Variants in ZC3H12B observed in about 807,000 individuals in gnomAD.
The protein encoded by ZC3H12B is zinc finger CCCH-type containing 12B, also known as probable ribonuclease ZC3H12B.
Under a neutral mutation model 43.9 loss-of-function variants are expected in ZC3H12B, and 7 were observed. The observed-to-expected ratio is 0.16, with a 90% CI of 0.09 to 0.30. ZC3H12B has a LOEUF of 0.30. Among genes scored for constraint, ZC3H12B ranks in the 10% least tolerant of loss-of-function variants. The probability of loss-of-function intolerance (pLI) is 1.00; values close to 1 mark genes in which losing one functional copy is unlikely to be tolerated. For missense variants in ZC3H12B, 475 were observed against 670.2 expected (o/e 0.71, Z 3.22); for synonymous variants, 222 against 241.7 (o/e 0.92, Z 0.76).
the ZC3H12B span, among the ~76,000 whole-genome samples, chrX:65,136,607 G>A: frequency 9.0e-6 from 1 of 111,225 alleles, no homozygotes; most frequent in Non-Finnish European, 1.9e-5. Context: ...GCTAGAGAGA[G>A]CAGGCTTTTG....
At chrX:65,211,726 A>G in the ZC3H12B span, among the ~76,000 whole-genome samples, 10 of 86,666 alleles carry the variant, frequency 1.2e-4, no homozygotes, top group Non-Finnish European at 2.1e-4. Flanking sequence ...ATATATTTTT[A>G]TGTAATAATA....
At chrX:65,276,480 A>G in the ZC3H12B span, among the ~76,000 whole-genome samples, 2 of 111,703 alleles carry the variant, frequency 1.8e-5, no homozygotes, top group Non-Finnish European at 3.8e-5. Context: ...GGGAATCTCC[A>G]TTAGACTAAC....
the ZC3H12B span, among the ~76,000 whole-genome samples, chrX:65,086,940 C>T: frequency 9.1e-6 from 1 of 110,492 alleles, no homozygotes; most frequent in Admixed American, 9.7e-5. Context: ...AACATGGATA[C>T]CCACCTTACT....
the ZC3H12B span, among the ~76,000 whole-genome samples, chrX:65,311,204 C>G: frequency 8.9e-6 from 1 of 111,879 alleles, no homozygotes; most frequent in African/African-American, 3.3e-5. Flanking sequence ...TTAGAGTGAA[C>G]AGGCAACCTA....
At chrX:65,089,512 C>A in the ZC3H12B span, among the ~76,000 whole-genome samples, 1 of 111,628 alleles carries the variant, frequency 9.0e-6, no homozygotes, top group African/African-American at 3.2e-5. Context: ...AATGTGAAGG[C>A]CTGCTACATT....
chrX:65,294,889 AAC>A, the ZC3H12B span, among the ~76,000 whole-genome samples: 1 of 111,194 alleles, frequency 9.0e-6, no homozygotes, highest in African/African-American at 3.3e-5. Context: ...GATAGACAGC[AAC>A]ACAGTGATAA....
the ZC3H12B span, among the ~76,000 whole-genome samples, chrX:65,238,580 A>G: frequency 1.8e-5 from 2 of 110,763 alleles, no homozygotes; most frequent in Admixed American, 1.9e-4. Context: ...TTGTGTCTCT[A>G]TCTCCTTCAA....
chrX:65,235,217 G>T, the ZC3H12B span, among the ~76,000 whole-genome samples: 1 of 111,014 alleles, frequency 9.0e-6, no homozygotes. Flanking sequence ...CCCAGTAATG[G>T]GATTGCTGGG....
the ZC3H12B span, among the ~76,000 whole-genome samples, chrX:65,151,516 G>A: frequency 1.1e-4 from 12 of 111,800 alleles, no homozygotes; most frequent in Non-Finnish European, 2.3e-4. Flanking sequence ...AGCTTTCCCT[G>A]TAAATTTTGA....
the ZC3H12B span, among the ~76,000 whole-genome samples, chrX:65,059,161 C>T: frequency 0.062 from 6,662 of 108,200 alleles, 605 homozygotes; most frequent in African/African-American, 0.21. Flanking sequence ...CTGTCTTCTG[C>T]GTCGCTCACG....
the ZC3H12B span, chrX:65,270,913 C>G: frequency 1.3e-4 from 15 of 111,478 alleles, no homozygotes; most frequent in Admixed American, 1.4e-3. Context: ...CCCACCAGGA[C>G]TGCTGGAGGC....
the ZC3H12B span, among the ~76,000 whole-genome samples, chrX:65,277,459 T>C: frequency 1.1e-4 from 12 of 111,883 alleles, no homozygotes; most frequent in Non-Finnish European, 2.1e-4. Flanking sequence ...ATTGGCCATA[T>C]GTTAGGACAG....
the ZC3H12B span, among the ~76,000 whole-genome samples, chrX:65,205,070 G>A: frequency 8.9e-6 from 1 of 112,231 alleles, no homozygotes; most frequent in Non-Finnish European, 1.9e-5. Flanking sequence ...GTAAATATAT[G>A]TATTGTAGGA....
chrX:65,162,475 C>CT, the ZC3H12B span, among the ~76,000 whole-genome samples: 1 of 111,397 alleles, frequency 9.0e-6, no homozygotes, highest in Admixed American at 9.6e-5. Context: ...GCTTTTTATT[C>CT]TTTTTTCTCT....
the ZC3H12B span, among the ~76,000 whole-genome samples, chrX:65,332,208 T>A: frequency 9.0e-6 from 1 of 110,613 alleles, no homozygotes; most frequent in Non-Finnish European, 1.9e-5. Flanking sequence ...GATGAAAATT[T>A]GTCTTCTGTA....
At chrX:65,043,158 G>T in the ZC3H12B span, among the ~76,000 whole-genome samples, 1 of 111,010 alleles carries the variant, frequency 9.0e-6, no homozygotes, top group Non-Finnish European at 1.9e-5. Context: ...TGGTTATTAG[G>T]CCCCAACCCT....
At chrX:65,448,310 T>C (rs2067407852) in intron 3 of ZC3H12B, among the ~76,000 whole-genome samples, 1 of 111,711 alleles carries the variant, frequency 9.0e-6, no homozygotes, top group Non-Finnish European at 1.9e-5. Flanking sequence ...CAAATTATTA[T>C]AACCTCTATG....
chrX:65,168,232 G>A, the ZC3H12B span, among the ~76,000 whole-genome samples: 34 of 112,027 alleles, frequency 3.0e-4, 2 homozygotes, highest in Non-Finnish European at 4.5e-4. Flanking sequence ...TTTATTGAGA[G>A]TTCATAGCAT....
intron 3 of ZC3H12B, among the ~76,000 whole-genome samples, chrX:65,471,467 T>C (rs1264719655): frequency 1.0e-5 from 1 of 95,464 alleles, no homozygotes; most frequent in Non-Finnish European, 2.0e-5. Flanking sequence ...TTTTTTTTTT[T>C]TGAGATAGAG....
Sources: allele counts gnomAD v4.1 joint callset (sites outside exome capture counted in the v4.1 genomes callset), GRCh38; gene constraint gnomAD v4.1.1; transcripts MANE v1.5; gene names NCBI Gene and HGNC (gene_info 2026-07-23, HGNC 2026-07-21).